ZNF646: variants seen among roughly 807,000 people sequenced by gnomAD.
The protein encoded by ZNF646 is zinc finger protein 646.
ZNF646 carries 49 observed loss-of-function variants against 115.4 expected under a neutral mutation model. That is an observed-to-expected ratio of 0.42 (90% CI 0.34 to 0.54). The LOEUF (loss-of-function observed/expected upper bound fraction) is 0.54, where lower values mean the gene tolerates loss of function less well. ZNF646 is among the 20% of genes least tolerant of loss of function. ZNF646 has a pLI of 0.04. For synonymous variants in ZNF646, 933 were observed against 939.0 expected (o/e 0.99, Z 0.12); for missense variants, 2,269 against 2,457.9 (o/e 0.92, Z 1.62).
chr16:31,083,070 C>T lies in ZNF646; in HGVS notation c.5477C>T (p.Ala1826Val), dbSNP rs932281646. ...PLLDPSPQWP[A>V]DLSFSL ...CTGGATCCTTCACCCCAGTGGCCTGCAGACCTCAGCTTCTCCCTCTGAACT... is the reference window on the plus strand; with the variant it reads ...CTGGATCCTTCACCCCAGTGGCCTGTAGACCTCAGCTTCTCCCTCTGAACT... The change falls in exon 3 of 3, where the codon GCA becomes GTA. Residue 1826 changes from alanine (A) to valine (V), a missense_variant. By Grantham distance (64) the Ala-to-Val change is moderately conservative. Transcript: ENST00000300850. The T allele has an allele frequency of 3.7e-6, 6 of 1,603,522 alleles. No homozygotes were observed. The East Asian group carries it at 1.1e-4, about 31-fold the overall frequency.
rs2057126486 is a variant in ZNF646, at chr16:31,079,553, G to A, written c.3229G>A (p.Gly1077Arg). The A allele has an allele frequency of 6.2e-6, 10 of 1,613,386 alleles. No homozygotes were observed. The highest frequency in any genetic ancestry group is 1.3e-5 in the African/African-American group (1 of 74,906). ...LVNHRKIHQT[G>R]DFLCPVCSRC... ...GAACCACCGCAAGATCCACCAGACT[G>A]GAGACTTTCTCTGCCCTGTCTGCTC... Residue 1077 changes from glycine (G) to arginine (R), a missense_variant, in exon 2 of 3, where the codon GGA becomes AGA. Physicochemically the swap from Gly to Arg is moderately radical, Grantham distance 125 (BLOSUM62 -2). This residue lies in a region of ZNF646 where 1,062 missense variants were observed against 1,172.8 expected (regional missense o/e 0.91). Coordinates refer to ENST00000300850, the MANE Select transcript of ZNF646 (RefSeq NM_014699.4). This position sits in a 1 kb window ranked among gnomAD's most constrained non-coding sequence, Gnocchi z 5.5.
rs762250044 is a variant in ZNF646 at position 31,078,382 on chromosome 16, A to C, written c.2058A>C (p.Glu686Asp). 1 of 1,612,336 alleles carries C rather than the reference A, an allele frequency of 6.2e-7. No individual in the cohort carries two copies. Among genetic ancestry groups the C allele is most frequent in the South Asian group, 1.1e-5 (1 of 91,006 alleles). The change falls in exon 2 of 3, where the codon GAA (glutamate) becomes GAC (aspartate). Residue 686 changes from glutamate to aspartate, a missense_variant. Around this residue, in one of 5 missense-constraint regions of ZNF646, gnomAD observed 852 missense variants for 900.2 expected, o/e 0.95. Coordinates refer to ENST00000300850, the MANE Select transcript of ZNF646 (RefSeq NM_014699.4). ...KRAGGASGGR[E>D]AKLLAAESWT... ...CTGGCGGTGCCAGCGGTGGGAGAGA[A>C]GCCAAACTCCTGGCAGCGGAGAGCT...
upstream of ZNF646, chr16:31,073,775 C>A (rs1290488527): frequency 6.6e-6 from 1 of 152,264 alleles, no homozygotes; most frequent in Non-Finnish European, 1.5e-5. Context: ...GGAGGTGGGA[C>A]CGGTGGCGCG....
chr16:31,082,834 T>C, intron 2 of ZNF646, 137 bp from the exon 3 acceptor site: 2 of 1,177,200 alleles, frequency 1.7e-6, no homozygotes, highest in Non-Finnish European at 2.4e-6. Context: ...GGGAAAATAA[T>C]TAGGAGGCCT....
rs1227993554 is a variant in ZNF646, at chr16:31,078,028, A to C, written c.1704A>C (p.Ala568=). Residue 568 remains alanine (A), a synonymous_variant, in exon 2 of 3, where the codon GCA becomes GCC. Coordinates refer to ENST00000300850, the MANE Select transcript of ZNF646 (RefSeq NM_014699.4). Reference sequence around the variant, plus strand: ...AAGAGGCCACGGACATCACCCCAGCAGCAGACAAGACAGCAGCACATATCT... The same window carrying C: ...AAGAGGCCACGGACATCACCCCAGCCGCAGACAAGACAGCAGCACATATCT... ...HEEEATDITP[A]ADKTAAHICS... is the part of the protein sequence containing the mutation. 1 of 1,614,078 alleles carries C rather than the reference A, an allele frequency of 6.2e-7. No individual in the cohort carries two copies. The highest frequency in any genetic ancestry group is 8.5e-7 in the Non-Finnish European group (1 of 1,180,058).
chr16:31,081,603 C>A lies in ZNF646; in HGVS notation c.5279C>A (p.Pro1760His), dbSNP rs199993949. The A allele has an allele frequency of 7.8e-4, 1,259 of 1,608,808 alleles. 1 individual carries two copies. Among genetic ancestry groups the A allele is most frequent in the Non-Finnish European group, 1.0e-3 (1,173 of 1,177,864 alleles). ...CGGGTCCATGCACCCCGGGAGGGGC[C>A]TTTCACCTGCCCCCATTGTCCCCGC... ...HGRVHAPREG[P>H]FTCPHCPRHF... The change falls in exon 2 of 3, where the codon CCT becomes CAT. Residue 1760 changes from proline (P) to histidine (H), a missense_variant. This residue lies in a region of ZNF646 where 1,062 missense variants were observed against 1,172.8 expected (regional missense o/e 0.91). Transcript: ENST00000300850.
At position 31,084,059 on chromosome 16, in the gene ZNF646, A is replaced by G. The variant is rs2057199403; in HGVS notation, c.*967A>G. 6.5e-7 allele frequency: 1 copy of G among 1,533,142 alleles called. No individual in the cohort carries two copies. The highest frequency in any genetic ancestry group is 2.5e-5 in the East Asian group (1 of 40,784). 95.0% of individuals were successfully genotyped at this position (1,533,142 alleles called of 1,614,324 possible). A position where few individuals can be genotyped will look rare whatever the true frequency, so the allele number is the denominator to read the frequency against. On this transcript the variant is annotated 3_prime_UTR_variant, in exon 3 of 3. Transcript: ENST00000300850. ...GAGTGGGTTAGAACGGCACGTTCTC[A>G]CTGGAGAGAGAAGGGTCCTGGAGAG...
At position 31,081,596 on chromosome 16, in the gene ZNF646, G is replaced by A; in HGVS notation, c.5272G>A (p.Glu1758Lys). Reference protein sequence around the residue: ...EGHGRVHAPREGPFTCPHCPR... With the variant: ...EGHGRVHAPRKGPFTCPHCPR... ...CCACGGGCGGGTCCATGCACCCCGG[G>A]AGGGGCCTTTCACCTGCCCCCATTG... is the stretch of plus-strand genomic sequence containing the variant. The change falls in exon 2 of 3, where the codon GAG becomes AAG. Residue 1758 changes from glutamate (E) to lysine (K), a missense_variant. Glu to Lys is a moderately conservative substitution (Grantham distance 56). Transcript: ENST00000300850. The A allele has an allele frequency of 1.9e-6, 3 of 1,611,692 alleles. No individual in the cohort carries two copies. Among genetic ancestry groups the A allele is most frequent in the African/African-American group, 2.7e-5 (2 of 75,062 alleles).
At position 31,078,136 on chromosome 16, in the gene ZNF646, TAGC is replaced by T. The variant is rs1371739007; in HGVS notation, c.1815_1817del (p.Ser605del). The T allele has an allele frequency of 2.5e-6, 4 of 1,613,856 alleles. No individual in the cohort carries two copies. Among genetic ancestry groups the T allele is most frequent in the Non-Finnish European group, 3.4e-6 (4 of 1,179,984 alleles). On this transcript the variant is annotated inframe_deletion, in exon 2 of 3. Coordinates refer to ENST00000300850, the MANE Select transcript of ZNF646 (RefSeq NM_014699.4). ...CTCATGGGGCAGGGGAAAAGGAAAATAGCAGAACAGAGACCACAATGTCACCTC... is the reference window on the plus strand; with the variant it reads ...CTCATGGGGCAGGGGAAAAGGAAAATAGAACAGAGACCACAATGTCACCTC...
chr16:31,080,557 T>C lies in ZNF646; in HGVS notation c.4233T>C (p.Thr1411=), dbSNP rs778022053. The change falls in exon 2 of 3, where the codon ACT becomes ACC. Residue 1411 remains threonine (T), a synonymous_variant. Transcript: ENST00000300850. ...DGTAASEANL[T]GSQGLETQLG... is the part of the protein sequence containing the mutation. ...CAGCGGCCAGTGAGGCGAACCTGAC[T>C]GGCAGCCAGGGACTAGAGACCCAAT... 9.3e-6 allele frequency: 15 copies of C among 1,614,040 alleles called. No individual in the cohort carries two copies. The highest frequency in any genetic ancestry group is 1.3e-5 in the Non-Finnish European group (15 of 1,180,010).
At position 31,077,974 on chromosome 16, in the gene ZNF646, A is replaced by G. The variant is rs971497605; in HGVS notation, c.1650A>G (p.Thr550=). The G allele has an allele frequency of 1.2e-6, 2 of 1,614,000 alleles. No homozygotes were observed. The highest frequency in any genetic ancestry group is 1.7e-6 in the Non-Finnish European group (2 of 1,180,038). The change falls in exon 2 of 3, where the codon ACA becomes ACG. Residue 550 remains threonine (T), a synonymous_variant. Coordinates refer to ENST00000300850, the MANE Select transcript of ZNF646 (RefSeq NM_014699.4). ...TGGAGGCAGAGGCAGCCCCGCACAC[A>G]GATCAGGACCATGTGTGCAAACATG... ...DPVEAEAAPH[T]DQDHVCKHEE...
At position 31,077,892 on chromosome 16, in the gene ZNF646, A is replaced by G. The variant is rs1596769552; in HGVS notation, c.1568A>G (p.Asp523Gly). ...VHCKAARRSA[D>G]IGAEGAPSHL... is the part of the protein sequence containing the mutation. ...TGCAAGGCTGCTCGCCGAAGTGCAG[A>G]CATCGGGGCTGAGGGTGCCCCCAGC... The change falls in exon 2 of 3, where the codon GAC becomes GGC. Residue 523 changes from aspartate to glycine, a missense_variant. Asp to Gly is a moderately conservative substitution (Grantham distance 94). Transcript: ENST00000300850. 4 of 1,613,746 alleles carry G rather than the reference A, an allele frequency of 2.5e-6. No homozygotes were observed. In the South Asian group the frequency reaches 4.4e-5, roughly 18 times the overall value.
chr16:31,081,717 G>C lies in ZNF646; in HGVS notation c.5377+16G>C, dbSNP rs2057162333. ...GCCGGCTCCGGTAGGGGGCATGAAG[G>C]GTCCCAGGAGGAGGTGGGCACACAG... On this transcript the variant is annotated intron_variant, in intron 2 of 2. Transcript: ENST00000300850. 1 of 1,554,494 alleles carries C rather than the reference G, an allele frequency of 6.4e-7. No homozygotes were observed. The highest frequency in any genetic ancestry group is 1.4e-5 in the African/African-American group (1 of 73,606).
chr16:31,081,690 T>C lies in ZNF646; in HGVS notation c.5366T>C (p.Val1789Ala). The change falls in exon 2 of 3, where the codon GTG (valine) becomes GCG (alanine). Residue 1789 changes from valine (V) to alanine (A), a missense_variant. By Grantham distance (64) the Val-to-Ala change is moderately conservative (BLOSUM62 0). Transcript: ENST00000300850. ...CAGCAGCACCAGGAGGAGTGGACGG[T>C]GGCCGGCTCCGGTAGGGGGCATGAA... ...HQQQHQEEWT[V>A]AGSGAPVAPV... is the part of the protein sequence containing the mutation. 1 of 1,587,568 alleles carries C rather than the reference T, an allele frequency of 6.3e-7. No individual in the cohort carries two copies. Among genetic ancestry groups the C allele is most frequent in the Non-Finnish European group, 8.6e-7 (1 of 1,164,712 alleles).
chr16:31,078,448 C>G lies in ZNF646; in HGVS notation c.2124C>G (p.Pro708=), dbSNP rs199953104. The G allele has an allele frequency of 1.9e-6, 3 of 1,594,872 alleles. No individual in the cohort carries two copies. The highest frequency in any genetic ancestry group is 2.2e-5 in the South Asian group (2 of 88,894). ...ELEDNEGLES[P]QDPSGESPHG... is the part of the protein sequence containing the mutation. ...AAGACAATGAAGGCCTGGAGTCTCC[C>G]CAAGACCCTTCAGGGGAAAGTCCTC... The change falls in exon 2 of 3, where the codon CCC becomes CCG. Residue 708 remains proline (P), a synonymous_variant. Coordinates refer to ENST00000300850, the MANE Select transcript of ZNF646 (RefSeq NM_014699.4).
Position 31,078,675 on chromosome 16 carries a change from T to A in ZNF646, c.2351T>A (p.Phe784Tyr). ...GGTGAGGAAGGTGGTGGCACTCACT[T>A]CTGCGATAGCCTCACTGGGGTGGAT... ...IPGEEGGGTH[F>Y]CDSLTGVDED... Residue 784 changes from phenylalanine (F) to tyrosine (Y), a missense_variant, in exon 2 of 3, where the codon TTC becomes TAC. Around this residue, in one of 5 missense-constraint regions of ZNF646, gnomAD observed 852 missense variants for 900.2 expected, o/e 0.95. Coordinates refer to ENST00000300850, the MANE Select transcript of ZNF646 (RefSeq NM_014699.4). The A allele has an allele frequency of 6.2e-7, 1 of 1,614,138 alleles. No individual in the cohort carries two copies. Among genetic ancestry groups the A allele is most frequent in the East Asian group, 2.2e-5 (1 of 44,884 alleles).
In ZNF646 at chr16:31,078,392, C is replaced by T; in HGVS notation, c.2068C>T (p.Leu690=). Residue 690 remains leucine (L), a synonymous_variant, in exon 2 of 3, where the codon CTG becomes TTG. Transcript: ENST00000300850. ...GASGGREAKL[L]AAESWTRELE... The stretch of plus-strand genomic sequence containing the variant: ...CAGCGGTGGGAGAGAAGCCAAACTC[C>T]TGGCAGCGGAGAGCTGGACCCGGGA... The T allele has an allele frequency of 5.0e-6, 8 of 1,611,974 alleles. No homozygotes were observed. Among genetic ancestry groups the T allele is most frequent in the Non-Finnish European group, 6.8e-6 (8 of 1,178,784 alleles).
At chr16:31,072,736 C>T (rs1002149601), upstream of ZNF646, 1 of 152,434 alleles carries the variant, frequency 6.6e-6, no homozygotes. Context: ...TGATCCCAAC[C>T]TACTTTTCCA....
Position 31,076,647 on chromosome 16 carries a change from C to T in ZNF646, c.323C>T (p.Pro108Leu). 6.2e-7 allele frequency: 1 copy of T among 1,612,996 alleles called. No individual in the cohort carries two copies. Among genetic ancestry groups the T allele is most frequent in the Non-Finnish European group, 8.5e-7 (1 of 1,179,740 alleles). The change falls in exon 2 of 3, where the codon CCA (proline) becomes CTA (leucine). Residue 108 changes from proline to leucine, a missense_variant. Coordinates refer to ENST00000300850, the MANE Select transcript of ZNF646 (RefSeq NM_014699.4). ...GAGGGCCGCCGCAGGCACAGGCCCCCACGCCCCAAGGAAGCCACTCCACAC... is the reference window on the plus strand; with the variant it reads ...GAGGGCCGCCGCAGGCACAGGCCCCTACGCCCCAAGGAAGCCACTCCACAC... ...APEGRRRHRP[P>L]RPKEATPHLQ...
Sources: allele counts gnomAD v4.1 joint callset, GRCh38; gene constraint gnomAD v4.1.1; regional missense constraint gnomAD v4.1.1; non-coding constraint Gnocchi (gnomAD v3.1); transcripts MANE v1.5; gene names NCBI Gene and HGNC (gene_info 2026-07-23, HGNC 2026-07-21).